Variants in CCSER1 observed in about 807,000 individuals in gnomAD.
CCSER1 encodes serine-rich coiled-coil domain-containing protein 1.
CCSER1 carries 41 observed loss-of-function variants against 82.0 expected under a neutral mutation model. The observed-to-expected ratio is 0.50, with a 90% CI of 0.39 to 0.65. The LOEUF (loss-of-function observed/expected upper bound fraction) is 0.65, where lower values mean the gene tolerates loss of function less well. Ranked by LOEUF, CCSER1 falls within the 30% of genes least tolerant of loss-of-function variation. The pLI is 0.00. For missense variants in CCSER1, 1,119 were observed against 1,064.2 expected, an observed-to-expected ratio of 1.05 and a Z score of -0.72; for synonymous variants, 414 against 383.9, an observed-to-expected ratio of 1.08 and a Z score of -0.92.
intron 1 of CCSER1, among the ~76,000 whole-genome samples, chr4:90,230,178 G>A (rs973390591): frequency 5.9e-5 from 9 of 151,942 alleles, no homozygotes; most frequent in African/African-American, 2.2e-4. Context: ...ATTTTTTTCA[G>A]CACCACACCA....
chr4:90,836,143 T>A (rs760792373), intron 8 of CCSER1, among the ~76,000 whole-genome samples: 2 of 152,148 alleles, frequency 1.3e-5, no homozygotes, highest in African/African-American at 2.4e-5. Context: ...AATTCTTAGG[T>A]ACAAATAAAG....
At chr4:90,873,980 T>G (rs1253841985) in intron 8 of CCSER1, among the ~76,000 whole-genome samples, 2 of 152,174 alleles carry the variant, frequency 1.3e-5, no homozygotes, top group East Asian at 3.9e-4. Flanking sequence ...GGTACGGTAC[T>G]AAATGTGTTA....
chr4:90,144,286 GTGC>G (rs10598208), intron 1 of CCSER1, among the ~76,000 whole-genome samples: 100,654 of 151,724 alleles, frequency 0.66, 34,173 homozygotes, highest in East Asian at 0.85. Context: ...AAGGAAAAGT[GTGC>G]TGCTATTCAT....
chr4:91,541,743 C>T (rs993597633), intron 10 of CCSER1, among the ~76,000 whole-genome samples: 10 of 151,974 alleles, frequency 6.6e-5, no homozygotes, highest in African/African-American at 1.5e-4. Flanking sequence ...GTATATACCC[C>T]GTGATGGGAT....
chr4:90,740,057 G>A (rs1029551234), intron 7 of CCSER1, among the ~76,000 whole-genome samples: 3 of 152,038 alleles, frequency 2.0e-5, no homozygotes, highest in African/African-American at 2.4e-5. Context: ...CTCCGCCTTC[G>A]TCACTATATC....
At chr4:91,466,486 G>A (rs1017147561) in intron 10 of CCSER1, among the ~76,000 whole-genome samples, 1 of 152,148 alleles carries the variant, frequency 6.6e-6, no homozygotes, top group African/African-American at 2.4e-5. Flanking sequence ...TCAACATAGG[G>A]TTGGAAGTTC....
intron 5 of CCSER1, among the ~76,000 whole-genome samples, chr4:90,517,354 G>T (rs1480367641): frequency 2.0e-5 from 3 of 152,076 alleles, no homozygotes; most frequent in Non-Finnish European, 4.4e-5. Flanking sequence ...TTGCAAATCT[G>T]TTTAAAAGGT....
intron 9 of CCSER1, among the ~76,000 whole-genome samples, chr4:91,063,161 C>A (rs184441507): frequency 2.0e-5 from 3 of 152,184 alleles, no homozygotes; most frequent in African/African-American, 7.2e-5. Flanking sequence ...GAAGAAAATG[C>A]TGTAGTATTA....
chr4:91,583,414 T>C (rs76310960), intron 10 of CCSER1, among the ~76,000 whole-genome samples: 3 of 151,408 alleles, frequency 2.0e-5, no homozygotes, highest in African/African-American at 7.3e-5. Flanking sequence ...CTCCTTATGG[T>C]TCTGTGTGAA....
At chr4:91,571,067 C>T (rs912346765) in intron 10 of CCSER1, among the ~76,000 whole-genome samples, 1 of 152,166 alleles carries the variant, frequency 6.6e-6, no homozygotes, top group African/African-American at 2.4e-5. Context: ...GACCTTTACT[C>T]CAGTTCCCAA....
chr4:90,526,802 C>T (rs1487080627), intron 5 of CCSER1, among the ~76,000 whole-genome samples: 3 of 152,136 alleles, frequency 2.0e-5, no homozygotes, highest in African/African-American at 7.2e-5. Flanking sequence ...TCCAAGTCTT[C>T]ACTATTGTGA....
intron 7 of CCSER1, among the ~76,000 whole-genome samples, chr4:90,765,080 C>T (rs1458520640): frequency 2.0e-5 from 3 of 149,110 alleles, no homozygotes; most frequent in Non-Finnish European, 4.5e-5. Context: ...CTGTAAAATG[C>T]CTCCATCCAA....
chr4:90,421,293 C>A (rs1040776850), intron 4 of CCSER1, among the ~76,000 whole-genome samples: 1 of 152,102 alleles, frequency 6.6e-6, no homozygotes, highest in African/African-American at 2.4e-5. Flanking sequence ...ATCACATTTT[C>A]TAAAAGCTTA....
At chr4:91,235,369 TTA>T (rs1017109559) in intron 10 of CCSER1, among the ~76,000 whole-genome samples, 27 of 152,260 alleles carry the variant, frequency 1.8e-4, no homozygotes, top group African/African-American at 6.3e-4. Context: ...TACACTAAAG[TTA>T]TATTTTTTAA....
intron 5 of CCSER1, among the ~76,000 whole-genome samples, chr4:90,524,188 T>TC (rs1412338717): frequency 6.6e-6 from 1 of 152,206 alleles, no homozygotes; most frequent in African/African-American, 2.4e-5. Flanking sequence ...GGGACTGTTT[T>TC]CTTACTTTAT....
intron 5 of CCSER1, among the ~76,000 whole-genome samples, chr4:90,620,994 T>C (rs1318176122): frequency 6.6e-6 from 1 of 152,018 alleles, no homozygotes; most frequent in South Asian, 2.1e-4. Flanking sequence ...TGTATTTTTA[T>C]TTTTAGTAGG....
At chr4:90,966,931 A>G (rs1227582733) in intron 9 of CCSER1, among the ~76,000 whole-genome samples, 1 of 152,134 alleles carries the variant, frequency 6.6e-6, no homozygotes, top group African/African-American at 2.4e-5. Flanking sequence ...CAAAGTACAT[A>G]AAATATCCAA....
Position 91,001,973 on chromosome 4 carries a change from A to G in CCSER1, c.2172+78526A>G, listed in dbSNP as rs1581305687. On this transcript the variant is annotated intron_variant, in intron 9 of 10. Transcript: ENST00000509176. ...CTTGGTAGTGGCAGATTCTCAGAGC[A>G]TTTGTCTGAAAAAGATTGTATCTTT... Among the ~76,000 whole-genome samples, 3 of 152,202 alleles carry G rather than the reference A, an allele frequency of 2.0e-5. No individual in the cohort carries two copies. The Middle Eastern group carries it at 0.01, about 518-fold the overall frequency.
In CCSER1 at chr4:90,974,632, C is replaced by T. The variant is rs538040513; in HGVS notation, c.2172+51185C>T. On this transcript the variant is annotated intron_variant, in intron 9 of 10. Coordinates refer to ENST00000509176, the MANE Select transcript of CCSER1 (RefSeq NM_001145065.2). The stretch of plus-strand genomic sequence containing the variant: ...TGACAAGAGTCTCAGCACCTTTACC[C>T]ATTAGGGGTATGCAAGTCAGAACCA... Among the ~76,000 whole-genome samples the T allele has an allele frequency of 5.9e-5, 9 of 151,384 alleles. No homozygotes were observed. In the East Asian group the frequency reaches 1.8e-3, roughly 29 times the overall value.
Sources: gnomAD v4.1 joint callset for allele counts (sites outside exome capture counted in the v4.1 genomes callset) on GRCh38, gnomAD v4.1.1 for gene constraint, MANE v1.5 for transcripts, NCBI Gene and HGNC (gene_info 2026-07-23, HGNC 2026-07-21) for gene names.